The following ANKRD36C variants were observed in gnomAD, a reference collection of about 807,000 sequenced individuals.
ANKRD36C encodes the protein ankyrin repeat domain-containing protein 36C.
ANKRD36C carries 61 observed loss-of-function variants against 276.4 expected under a neutral mutation model. The ratio of observed to expected loss-of-function variants is 0.22; its 90% CI spans 0.18 to 0.27. ANKRD36C has a LOEUF of 0.27. Among genes scored for constraint, ANKRD36C ranks in the 10% least tolerant of loss-of-function variants. ANKRD36C has a pLI of 1.00. For synonymous variants in ANKRD36C, 483 were observed against 680.1 expected (o/e 0.71, Z 4.51); for missense variants, 1,447 against 2,032.3 (o/e 0.71, Z 5.54).
exon 63 of ANKRD36C, chr2:95,855,468 T>A (rs1675388473): frequency 6.2e-7 from 1 of 1,612,320 alleles, no homozygotes. Flanking sequence ...GCGAGCATCA[T>A]CCAGTTGCTG....
intron 61 of ANKRD36C, among the ~76,000 whole-genome samples, chr2:95,859,560 T>G (rs2104263909): frequency 1.3e-5 from 2 of 152,284 alleles, no homozygotes; most frequent in South Asian, 4.1e-4. Flanking sequence ...CTTGTAGCAT[T>G]ATTACAAAAA....
intron 6 of ANKRD36C, among the ~76,000 whole-genome samples, chr2:95,966,342 G>A (rs1039247083): frequency 1.3e-5 from 2 of 152,056 alleles, no homozygotes; most frequent in Non-Finnish European, 2.9e-5. Flanking sequence ...GTTAATTTTT[G>A]TATAAAGTGT....
At position 95,884,245 on chromosome 2, in the gene ANKRD36C, C is replaced by T. The variant is rs752069202; in HGVS notation, c.3193G>A (p.Ala1065Thr). The change falls in exon 54 of 67, where the codon GCT becomes ACT. Residue 1065 changes from alanine (A) to threonine (T), a missense_variant and splice_region_variant. Physicochemically the swap from Ala to Thr is moderately conservative, Grantham distance 58. Transcript: ENST00000456556. ...ACAGAATCTTTCTCATCACCTGTAGCCTGAATGGAATTTGAAACAAAATAA... is the reference window on the plus strand; with the variant it reads ...ACAGAATCTTTCTCATCACCTGTAGTCTGAATGGAATTTGAAACAAAATAA... 26 of 1,609,850 alleles carry T rather than the reference C, an allele frequency of 1.6e-5. No homozygotes were observed. The African/African-American group carries it at 2.3e-4, about 14-fold the overall frequency.
chr2:95,856,813 C>A (rs572261824), intron 62 of ANKRD36C, among the ~76,000 whole-genome samples: 1 of 152,136 alleles, frequency 6.6e-6, no homozygotes, highest in South Asian at 2.1e-4. Context: ...AGGATTTTTC[C>A]CAGCTTTTCT....
At chr2:95,862,280 ACAACAACTCTCAAAGGAT>A (rs1214845845) in intron 60 of ANKRD36C, among the ~76,000 whole-genome samples, 88 of 152,230 alleles carry the variant, frequency 5.8e-4, no homozygotes, top group African/African-American at 1.9e-3. Context: ...TTTAGGCCAT[ACAACAACTCTCAAAGGAT>A]TGAGTCAGAA....
intron 42 of ANKRD36C, 140 bp downstream of exon 48, chr2:95,908,362 G>C (rs1035365498): frequency 1.4e-6 from 1 of 719,184 alleles, no homozygotes; most frequent in Non-Finnish European, 1.7e-6. Flanking sequence ...CATCACCCAA[G>C]AACTTATTTG....
At chr2:95,917,728 G>A in intron 36 of ANKRD36C, 127 bp downstream of exon 38, 1 of 1,258,884 alleles carries the variant, frequency 7.9e-7, no homozygotes, top group Non-Finnish European at 1.1e-6. Context: ...AAGACTCTCA[G>A]GACTGCTGGA....
intron 44 of ANKRD36C, among the ~76,000 whole-genome samples, chr2:95,895,881 C>A (rs954904610): frequency 6.6e-6 from 1 of 150,904 alleles, no homozygotes; most frequent in African/African-American, 2.4e-5. Context: ...GCGATGAGGA[C>A]AAATGTGATC....
chr2:95,922,139 A>G (rs796149010), intron 32 of ANKRD36C, among the ~76,000 whole-genome samples: 19 of 151,776 alleles, frequency 1.3e-4, no homozygotes, highest in African/African-American at 4.1e-4. Context: ...ATCACCTGGG[A>G]AAATCTCAAA....
chr2:95,886,001 CTCT>C, intron 52 of ANKRD36C, 44 bp downstream of exon 72: 1 of 1,571,824 alleles, frequency 6.4e-7, no homozygotes, highest in Non-Finnish European at 8.6e-7. Context: ...AAGTGAATTT[CTCT>C]TCTATTTGAT....
Position 95,884,064 on chromosome 2 carries a change from G to A in ANKRD36C, c.3265+109C>T, listed in dbSNP as rs537587297. On this transcript the variant is annotated intron_variant, in intron 54 of 66. Transcript: ENST00000456556. ...ATTACAAATGAAGAATCTCAGGTCTGCAGAATCAGAATGTGCAGCTTCGAC... is the reference window on the plus strand; with the variant it reads ...ATTACAAATGAAGAATCTCAGGTCTACAGAATCAGAATGTGCAGCTTCGAC... The A allele has an allele frequency of 2.9e-5, 37 of 1,272,964 alleles. No individual in the cohort carries two copies. In the South Asian group the frequency reaches 3.3e-4, roughly 11 times the overall value. 78.9% of individuals were successfully genotyped at this position (1,272,964 alleles called of 1,614,324 possible). A position where few individuals can be genotyped will look rare whatever the true frequency, so the allele number is the denominator to read the frequency against.
downstream of ANKRD36C, chr2:95,851,129 A>G (rs1364499570): frequency 3.9e-6 from 6 of 1,553,972 alleles, 1 homozygote; most frequent in East Asian, 2.3e-5. Flanking sequence ...TCAGAAATCA[A>G]TGATTGGAAT....
intron 44 of ANKRD36C, among the ~76,000 whole-genome samples, chr2:95,892,186 C>T (rs930525626): frequency 6.6e-6 from 1 of 151,504 alleles, no homozygotes; most frequent in African/African-American, 2.4e-5. Context: ...AACTCATACA[C>T]GTGAGAATAA....
chr2:95,888,468 G>T (rs1196553875), intron 48 of ANKRD36C, among the ~76,000 whole-genome samples: 2 of 151,624 alleles, frequency 1.3e-5, no homozygotes, highest in African/African-American at 2.4e-5. Flanking sequence ...GTCAAAGCAG[G>T]TTCTACATGA....
intron 42 of ANKRD36C, among the ~76,000 whole-genome samples, chr2:95,902,400 C>G (rs1056045536): frequency 1.3e-4 from 20 of 150,204 alleles, no homozygotes; most frequent in African/African-American, 2.4e-4. Context: ...TAAATGACTT[C>G]CTCTTTTCAC....
chr2:95,956,641 A>G (rs969217035), intron 13 of ANKRD36C, 145 bp downstream of exon 13: 14 of 904,532 alleles, frequency 1.5e-5, no homozygotes, highest in African/African-American at 1.2e-4. Context: ...TAGTTTGTAA[A>G]GCTGTGTGGA....
chr2:95,990,256 A>G (rs899362126), intron 1 of ANKRD36C, among the ~76,000 whole-genome samples: 3 of 152,236 alleles, frequency 2.0e-5, no homozygotes, highest in African/African-American at 7.2e-5. Flanking sequence ...TTCATTTATG[A>G]GTAATTCATC....
chr2:95,896,527 G>A lies in ANKRD36C; in HGVS notation c.2755+2618C>T, dbSNP rs375304151. ...AAGAGGTAGCTCCTTGAACAAGGAAGCAAATTTATTCATATTCAAGATTAT... is the reference window on the plus strand; with the variant it reads ...AAGAGGTAGCTCCTTGAACAAGGAAACAAATTTATTCATATTCAAGATTAT... On this transcript the variant is annotated intron_variant, in intron 44 of 66. Transcript: ENST00000456556. 1.4e-3 allele frequency among the ~76,000 whole-genome samples: 203 copies of A among 149,590 alleles called. 1 individual carries two copies. The highest frequency in any genetic ancestry group is 4.2e-3 in the African/African-American group (171 of 40,372).
chr2:95,982,287 C>T, exon 4 of ANKRD36C: 1 of 1,550,222 alleles, frequency 6.5e-7, no homozygotes, highest in Non-Finnish European at 8.7e-7. Flanking sequence ...TTTATATTTG[C>T]TTTTTTCTTT....
Sources: gnomAD v4.1 joint callset for allele counts (sites outside exome capture counted in the v4.1 genomes callset) on GRCh38, gnomAD v4.1.1 for gene constraint, MANE v1.5 for transcripts, NCBI Gene and HGNC (gene_info 2026-07-23, HGNC 2026-07-21) for gene names.